SPOCK3: variants seen among roughly 807,000 people sequenced by gnomAD.
SPOCK3 encodes testican-3.
A neutral mutation model predicts 56.6 loss-of-function variants in SPOCK3; 30 were observed. The observed-to-expected ratio is 0.53, with a 90% CI of 0.40 to 0.72. SPOCK3 has a LOEUF of 0.72. Among genes scored for constraint, SPOCK3 ranks in the 30% least tolerant of loss-of-function variants. The pLI, the probability that SPOCK3 is intolerant of heterozygous loss-of-function variation, is 0.00. For synonymous variants in SPOCK3, 196 were observed against 183.3 expected (o/e 1.07, Z -0.56); for missense variants, 527 against 530.0 (o/e 0.99, Z 0.06).
intron 6 of SPOCK3, among the ~76,000 whole-genome samples, chr4:166,860,928 A>G (rs1731189800): frequency 1.3e-5 from 2 of 150,840 alleles, no homozygotes; most frequent in Admixed American, 6.6e-5. Flanking sequence ...TGGGAACACT[A>G]TAACGTCTGG....
intron 5 of SPOCK3, among the ~76,000 whole-genome samples, chr4:166,897,592 G>A (rs1034346513): frequency 1.3e-5 from 2 of 152,088 alleles, no homozygotes; most frequent in South Asian, 2.1e-4. Flanking sequence ...GAACTGACAC[G>A]AACATCAAAG....
chr4:167,138,154 T>C (rs1022645299), intron 2 of SPOCK3, among the ~76,000 whole-genome samples: 1 of 151,716 alleles, frequency 6.6e-6, no homozygotes, highest in Non-Finnish European at 1.5e-5. Context: ...CCAAGCACCT[T>C]TCAGATCATT....
At chr4:166,883,718 G>C (rs894121023) in intron 6 of SPOCK3, among the ~76,000 whole-genome samples, 14 of 152,178 alleles carry the variant, frequency 9.2e-5, no homozygotes, top group African/African-American at 3.4e-4. Context: ...ATGTCTTTTA[G>C]TAACTCGTGA....
intron 6 of SPOCK3, among the ~76,000 whole-genome samples, chr4:166,800,439 G>A (rs929818654): frequency 5.3e-5 from 8 of 152,012 alleles, no homozygotes; most frequent in Non-Finnish European, 1.2e-4. Context: ...CATTGTTATC[G>A]TAGGAGAAGA....
At chr4:167,197,324 C>A (rs1409705434) in intron 2 of SPOCK3, among the ~76,000 whole-genome samples, 1 of 151,960 alleles carries the variant, frequency 6.6e-6, no homozygotes, top group African/African-American at 2.4e-5. Context: ...TTAAGGAGTA[C>A]CTTCTCAGCT....
At chr4:167,013,758 C>T (rs1469803262) in intron 3 of SPOCK3, among the ~76,000 whole-genome samples, 1 of 151,918 alleles carries the variant, frequency 6.6e-6, no homozygotes, top group Admixed American at 6.6e-5. Context: ...GCGATTTTGG[C>T]TTTGGCTTGA....
At chr4:166,913,114 G>T (rs1017529048) in intron 4 of SPOCK3, among the ~76,000 whole-genome samples, 1 of 151,950 alleles carries the variant, frequency 6.6e-6, no homozygotes, top group Non-Finnish European at 1.5e-5. Flanking sequence ...GTTCCATTAG[G>T]AACAATATAA....
At chr4:167,208,701 T>A (rs1015575441) in intron 2 of SPOCK3, among the ~76,000 whole-genome samples, 7 of 147,706 alleles carry the variant, frequency 4.7e-5, no homozygotes, top group African/African-American at 1.8e-4. Context: ...TGATTTAGAT[T>A]TTTGTTTATA....
chr4:167,008,164 T>A lies in SPOCK3; in HGVS notation c.236-7701A>T, dbSNP rs113550345. On this transcript the variant is annotated intron_variant, in intron 3 of 10. Coordinates refer to ENST00000357545, the MANE Select transcript of SPOCK3 (RefSeq NM_001040159.2). ...TAGTATTATAATAGCAAGTTTTACATCTAAAAATAACTTTTTATATACAGA... is the reference window on the plus strand; with the variant it reads ...TAGTATTATAATAGCAAGTTTTACAACTAAAAATAACTTTTTATATACAGA... 3.2e-3 allele frequency among the ~76,000 whole-genome samples: 483 copies of A among 152,168 alleles called. 3 individuals carry two copies. Among genetic ancestry groups the A allele is most frequent in the African/African-American group, 0.011 (463 of 41,544 alleles).
chr4:167,108,241 T>C (rs1760344858), intron 2 of SPOCK3, among the ~76,000 whole-genome samples: 1 of 151,816 alleles, frequency 6.6e-6, no homozygotes, highest in South Asian at 2.1e-4. Flanking sequence ...TGGAGAACAG[T>C]TGGGAGGTTC....
chr4:167,098,548 T>A (rs910171719), intron 2 of SPOCK3, among the ~76,000 whole-genome samples: 2 of 152,002 alleles, frequency 1.3e-5, no homozygotes, highest in African/African-American at 4.8e-5. Flanking sequence ...AGGAAAGTAT[T>A]CCATATTTAC....
intron 4 of SPOCK3, among the ~76,000 whole-genome samples, chr4:166,936,314 C>A (rs990759783): frequency 6.6e-6 from 1 of 151,954 alleles, no homozygotes; most frequent in Admixed American, 6.6e-5. Flanking sequence ...TAATTAATCA[C>A]AATTAATTTT....
At chr4:166,841,778 C>G (rs1331613641) in intron 6 of SPOCK3, among the ~76,000 whole-genome samples, 1 of 152,212 alleles carries the variant, frequency 6.6e-6, no homozygotes, top group Non-Finnish European at 1.5e-5. Flanking sequence ...CTATATGATG[C>G]CTTCTTGAGT....
intron 2 of SPOCK3, among the ~76,000 whole-genome samples, chr4:167,126,264 T>C (rs1000192640): frequency 6.6e-6 from 1 of 151,968 alleles, no homozygotes; most frequent in Non-Finnish European, 1.5e-5. Flanking sequence ...AAGTTCATTG[T>C]AGGCCGGGCG....
chr4:166,918,485 T>G (rs1029277425), intron 4 of SPOCK3: 2 of 152,152 alleles, frequency 1.3e-5, no homozygotes, highest in Non-Finnish European at 2.9e-5. Context: ...AGAATTAGGC[T>G]GTAGACTAAA....
chr4:166,823,658 C>G (rs1415707742), intron 6 of SPOCK3, among the ~76,000 whole-genome samples: 1 of 152,044 alleles, frequency 6.6e-6, no homozygotes, highest in Non-Finnish European at 1.5e-5. Context: ...ATATGAATAT[C>G]CATTATTTCC....
At chr4:166,915,659 A>G (rs184771983) in intron 4 of SPOCK3, among the ~76,000 whole-genome samples, 9 of 152,264 alleles carry the variant, frequency 5.9e-5, no homozygotes, top group African/African-American at 2.2e-4. Flanking sequence ...GCAAAGCAAC[A>G]TGATTAGGGA....
At chr4:166,920,721 G>A (rs1009275232) in intron 4 of SPOCK3, among the ~76,000 whole-genome samples, 14 of 151,966 alleles carry the variant, frequency 9.2e-5, no homozygotes, top group African/African-American at 2.4e-4. Flanking sequence ...ATGCCTAAGC[G>A]CAACATTTCC....
At chr4:167,035,225 G>C (rs1752630295) in intron 3 of SPOCK3, among the ~76,000 whole-genome samples, 2 of 152,106 alleles carry the variant, frequency 1.3e-5, no homozygotes, top group Admixed American at 6.6e-5. Context: ...AATGACTCAA[G>C]AGACCTGATG....
Sources: gnomAD v4.1 joint callset for allele counts (sites outside exome capture counted in the v4.1 genomes callset) on GRCh38, gnomAD v4.1.1 for gene constraint, MANE v1.5 for transcripts, NCBI Gene and HGNC (gene_info 2026-07-23, HGNC 2026-07-21) for gene names.